CCDC178: variants seen among roughly 807,000 people sequenced by gnomAD.
CCDC178 encodes the protein coiled-coil domain containing 178, also known as coiled-coil domain-containing protein 178.
In CCDC178, 126 loss-of-function variants were observed where a neutral mutation model predicts 117.4. That is an observed-to-expected ratio of 1.07 (90% CI 0.93 to 1.24). The LOEUF (loss-of-function observed/expected upper bound fraction) is 1.24. Among genes scored for constraint, CCDC178 ranks in the 50% most tolerant of loss-of-function variants. The pLI, the probability that CCDC178 is intolerant of heterozygous loss-of-function variation, is 0.00. For synonymous variants in CCDC178, 283 were observed against 313.4 expected (o/e 0.90, Z 1.02); for missense variants, 1,030 against 986.9 (o/e 1.04, Z -0.59).
intron 21 of CCDC178, among the ~76,000 whole-genome samples, chr18:33,067,564 G>T (rs2057038204): frequency 6.6e-6 from 1 of 152,186 alleles, no homozygotes. Context: ...GAATTAACAG[G>T]CCAGGCGTGA....
At chr18:33,048,730 T>G (rs74444773) in intron 21 of CCDC178, among the ~76,000 whole-genome samples, 4,727 of 152,214 alleles carry the variant, frequency 0.031, 130 homozygotes, top group East Asian at 0.14. Flanking sequence ...AGTTTAAGGA[T>G]AGCTTCATTT....
At chr18:33,194,443 A>G (rs1190750896) in intron 20 of CCDC178, among the ~76,000 whole-genome samples, 1 of 152,062 alleles carries the variant, frequency 6.6e-6, no homozygotes. Context: ...CCCTCTGCAC[A>G]ATCTCTTGGG....
intron 12 of CCDC178, among the ~76,000 whole-genome samples, chr18:33,291,422 A>C (rs1449115562): frequency 6.6e-6 from 1 of 152,146 alleles, no homozygotes; most frequent in African/African-American, 2.4e-5. Context: ...TTTTCACAGA[A>C]AAGGAAATAC....
chr18:33,129,305 T>C (rs1013677213), intron 20 of CCDC178, among the ~76,000 whole-genome samples: 1 of 152,134 alleles, frequency 6.6e-6, no homozygotes, highest in Non-Finnish European at 1.5e-5. Context: ...ACACATGCTC[T>C]AATATTAAAA....
intron 2 of CCDC178, among the ~76,000 whole-genome samples, chr18:33,427,317 A>G: frequency 6.6e-6 from 1 of 152,276 alleles, no homozygotes; most frequent in African/African-American, 2.4e-5. Flanking sequence ...GGAGACAAGA[A>G]TAAATCATGC....
At chr18:32,993,346 T>A (rs1255139878) in intron 21 of CCDC178, among the ~76,000 whole-genome samples, 1 of 152,126 alleles carries the variant, frequency 6.6e-6, no homozygotes, top group African/African-American at 2.4e-5. Flanking sequence ...ATTACCATCA[T>A]GACAACATCC....
chr18:32,950,566 A>G lies in CCDC178; in HGVS notation c.2524-12475T>C, dbSNP rs190620307. Among the ~76,000 whole-genome samples, 48 of 152,218 alleles carry G rather than the reference A, an allele frequency of 3.2e-4. No individual in the cohort carries two copies. The East Asian group carries it at 9.1e-3, about 29-fold the overall frequency. ...GTTTACTTTCAGTAGTACTTTTAAA[A>G]ACATTTCCTGGTTTCCAACAGTTAC... On this transcript the variant is annotated intron_variant, in intron 22 of 22. Transcript: ENST00000383096.
At chr18:33,130,173 T>A (rs2058054142) in intron 20 of CCDC178, among the ~76,000 whole-genome samples, 1 of 151,952 alleles carries the variant, frequency 6.6e-6, no homozygotes, top group African/African-American at 2.4e-5. Flanking sequence ...ATTTCTGGAT[T>A]AAAAGAAAAA....
intron 21 of CCDC178, among the ~76,000 whole-genome samples, chr18:33,046,867 T>C (rs911369529): frequency 6.6e-6 from 1 of 152,158 alleles, no homozygotes. Context: ...ATTTAAACTT[T>C]TATTCTGAAG....
At chr18:33,418,557 G>T (rs1233564009) in intron 2 of CCDC178, among the ~76,000 whole-genome samples, 1 of 151,372 alleles carries the variant, frequency 6.6e-6, no homozygotes, top group East Asian at 1.9e-4. Context: ...ATCCTTGTTT[G>T]CAGACAATAC....
intron 20 of CCDC178, among the ~76,000 whole-genome samples, chr18:33,099,867 A>G (rs1246684620): frequency 6.6e-6 from 1 of 152,032 alleles, no homozygotes; most frequent in Non-Finnish European, 1.5e-5. Flanking sequence ...CTCTTGTCCA[A>G]GGCGAGTTCT....
chr18:33,148,575 C>T (rs2058302755), intron 20 of CCDC178, among the ~76,000 whole-genome samples: 1 of 152,082 alleles, frequency 6.6e-6, no homozygotes, highest in South Asian at 2.1e-4. Flanking sequence ...TTCAAGATCT[C>T]AGAATTCCTA....
chr18:33,146,786 A>G (rs2058273394), intron 20 of CCDC178, among the ~76,000 whole-genome samples: 1 of 152,232 alleles, frequency 6.6e-6, no homozygotes, highest in Non-Finnish European at 1.5e-5. Flanking sequence ...TATGAGAACA[A>G]AGAAATAAAG....
At chr18:32,955,674 A>G (rs1598728823) in intron 22 of CCDC178, among the ~76,000 whole-genome samples, 1 of 152,110 alleles carries the variant, frequency 6.6e-6, no homozygotes, top group East Asian at 1.9e-4. Context: ...ATGTCTCAAC[A>G]TATTCAGGAT....
At position 33,346,205 on chromosome 18, in the gene CCDC178, T is replaced by A; in HGVS notation, c.658+6A>T. 6.3e-7 allele frequency: 1 copy of A among 1,596,928 alleles called. No individual in the cohort carries two copies. The highest frequency in any genetic ancestry group is 2.2e-5 in the East Asian group (1 of 44,658). ...TAAGAAGTAATATAAAAATCCCTAT[T>A]ATTACCTTTCTGCACAGCCAATGGG... On this transcript the variant is annotated splice_donor_region_variant and intron_variant, in intron 9 of 22. Coordinates refer to ENST00000383096, the MANE Select transcript of CCDC178 (RefSeq NM_001105528.4).
rs114473088 is a variant in CCDC178 at position 32,993,052 on chromosome 18, G to A, written c.2389-18371C>T. 4.3e-3 allele frequency among the ~76,000 whole-genome samples: 659 copies of A among 152,230 alleles called. 8 individuals are homozygous for A. Among genetic ancestry groups the A allele is most frequent in the African/African-American group, 0.015 (631 of 41,536 alleles). ...GTGGTGGCGCAAACCTGTAATCCCA[G>A]CTACTCTCGAGGCTGAGTCAGGAGA... On this transcript the variant is annotated intron_variant, in intron 21 of 22. Coordinates refer to ENST00000383096, the MANE Select transcript of CCDC178 (RefSeq NM_001105528.4).
At chr18:33,203,604 G>T (rs544147080) in intron 20 of CCDC178, among the ~76,000 whole-genome samples, 1 of 152,278 alleles carries the variant, frequency 6.6e-6, no homozygotes, top group Non-Finnish European at 1.5e-5. Flanking sequence ...CTCTGAACCA[G>T]CAGTCTCAGT....
At chr18:33,350,796 A>C (rs1204832615) in intron 7 of CCDC178, among the ~76,000 whole-genome samples, 1 of 152,034 alleles carries the variant, frequency 6.6e-6, no homozygotes, top group African/African-American at 2.4e-5. Context: ...CTTGCAGTCA[A>C]ATTGCTGAGT....
intron 20 of CCDC178, among the ~76,000 whole-genome samples, chr18:33,197,994 T>C (rs1216300674): frequency 1.3e-5 from 2 of 152,206 alleles, no homozygotes; most frequent in African/African-American, 4.8e-5. Context: ...GTTATTATTA[T>C]CATGACACCC....
Sources: allele counts gnomAD v4.1 joint callset (sites outside exome capture counted in the v4.1 genomes callset), GRCh38; gene constraint gnomAD v4.1.1; transcripts MANE v1.5; gene names NCBI Gene and HGNC (gene_info 2026-07-23, HGNC 2026-07-21).